BANK1: variants seen among roughly 807,000 people sequenced by gnomAD.
BANK1 encodes the protein B-cell scaffold protein with ankyrin repeats.
In BANK1, 95 loss-of-function variants were observed where a neutral mutation model predicts 94.5. The ratio of observed to expected loss-of-function variants is 1.00; its 90% confidence interval spans 0.85 to 1.19. The LOEUF (loss-of-function observed/expected upper bound fraction) is 1.19. BANK1 is among the 50% of genes most tolerant of loss of function. BANK1 has a pLI of 0.00. For missense variants in BANK1, 987 were observed against 932.2 expected (o/e 1.06, Z -0.77); for synonymous variants, 334 against 308.4 (o/e 1.08, Z -0.87).
intron 2 of BANK1, among the ~76,000 whole-genome samples, chr4:101,837,231 A>G (rs1378609760): frequency 6.6e-6 from 1 of 152,220 alleles, no homozygotes; most frequent in Non-Finnish European, 1.5e-5. Context: ...AATTTAGTAT[A>G]TTTAGGACTA....
intron 1 of BANK1, among the ~76,000 whole-genome samples, chr4:101,817,182 T>A (rs1041723735): frequency 1.3e-5 from 2 of 152,076 alleles, no homozygotes; most frequent in African/African-American, 2.4e-5. Context: ...ATAATTTATA[T>A]ACCCAAAGGA....
At chr4:101,799,749 C>T (rs11938185) in intron 1 of BANK1, among the ~76,000 whole-genome samples, 40,912 of 151,894 alleles carry the variant, frequency 0.27, 5,837 homozygotes, top group Non-Finnish European at 0.32. Context: ...TGGTGGGTGC[C>T]TGTAGTCCCA....
chr4:102,011,832 T>G (rs2148942361), intron 7 of BANK1, among the ~76,000 whole-genome samples: 1 of 152,292 alleles, frequency 6.6e-6, no homozygotes, highest in South Asian at 2.1e-4. Context: ...GTTCATGAAA[T>G]GTATTTCTTG....
chr4:101,951,429 C>A (rs894714034), intron 7 of BANK1, among the ~76,000 whole-genome samples: 14 of 151,982 alleles, frequency 9.2e-5, no homozygotes, highest in Non-Finnish European at 1.8e-4. Flanking sequence ...AGCCCAAACA[C>A]CAGTTTACAG....
intron 7 of BANK1, among the ~76,000 whole-genome samples, chr4:101,938,373 A>T (rs868299575): frequency 3.7e-4 from 56 of 151,636 alleles, no homozygotes; most frequent in African/African-American, 1.3e-3. Context: ...AATGAATAAG[A>T]TCTAGTATTT....
chr4:102,069,772 T>G (rs914112076), intron 13 of BANK1, among the ~76,000 whole-genome samples: 7 of 152,230 alleles, frequency 4.6e-5, no homozygotes, highest in African/African-American at 1.7e-4. Context: ...TATGGAATAC[T>G]ATTTAGCAAT....
At chr4:102,008,698 T>A (rs921775797) in intron 7 of BANK1, among the ~76,000 whole-genome samples, 3 of 152,230 alleles carry the variant, frequency 2.0e-5, no homozygotes, top group Non-Finnish European at 4.4e-5. Context: ...TATATTTTCT[T>A]ACTTGTAACA....
At chr4:101,991,908 T>C (rs1374915022) in intron 7 of BANK1, among the ~76,000 whole-genome samples, 1 of 152,132 alleles carries the variant, frequency 6.6e-6, no homozygotes, top group Non-Finnish European at 1.5e-5. Flanking sequence ...AGAGAGAAGG[T>C]TTCCATGAAA....
At chr4:102,072,196 C>G in intron 14 of BANK1, 149 bp from the exon 15 acceptor site, 1 of 665,246 alleles carries the variant, frequency 1.5e-6, no homozygotes, top group Non-Finnish European at 2.6e-6. Flanking sequence ...CCAAGGGTGC[C>G]TTTTCGGTAT....
intron 1 of BANK1, among the ~76,000 whole-genome samples, chr4:101,823,365 C>A (rs1396566723): frequency 6.6e-6 from 1 of 151,928 alleles, no homozygotes; most frequent in African/African-American, 2.4e-5. Context: ...ATATACTTAC[C>A]TTTGTATACC....
chr4:102,074,778 A>G lies in BANK1; in HGVS notation c.*779A>G, dbSNP rs1226234738. The G allele has an allele frequency of 2.0e-5, 3 of 152,234 alleles. No homozygotes were observed. The highest frequency in any genetic ancestry group is 1.9e-4 in the East Asian group (1 of 5,190). The allele number at this position is 152,234 out of a possible 1,614,324, so 9.4% of individuals were successfully genotyped here. A position where few individuals can be genotyped will look rare whatever the true frequency, so the allele number is the denominator to read the frequency against. ...AAAGTAAATTTATAAGAATTAGCCAATAAAATTGCTTCTCGGCCTTTTGGC... is the reference window on the plus strand; with the variant it reads ...AAAGTAAATTTATAAGAATTAGCCAGTAAAATTGCTTCTCGGCCTTTTGGC... On this transcript the variant is annotated 3_prime_UTR_variant, in exon 17 of 17. Transcript: ENST00000322953.
At chr4:101,824,078 T>C (rs1014205982) in intron 1 of BANK1, among the ~76,000 whole-genome samples, 2 of 152,218 alleles carry the variant, frequency 1.3e-5, no homozygotes, top group African/African-American at 4.8e-5. Context: ...ACTCTCTGGT[T>C]ACTGTGTAGA....
intron 7 of BANK1, among the ~76,000 whole-genome samples, chr4:101,961,035 A>G (rs2544569): frequency 0.97 from 147,456 of 152,270 alleles, 71,470 homozygotes; most frequent in Non-Finnish European, 0.98. Context: ...GAAAATATGT[A>G]AGGGGAGGAA....
At chr4:102,070,059 G>A (rs573143860) in intron 13 of BANK1, among the ~76,000 whole-genome samples, 9 of 152,168 alleles carry the variant, frequency 5.9e-5, no homozygotes, top group African/African-American at 2.2e-4. Flanking sequence ...TGTCTCCTCA[G>A]AAGAAAGAAT....
intron 10 of BANK1, chr4:102,036,598 TC>T (rs1203711202): frequency 6.6e-6 from 1 of 152,236 alleles, no homozygotes; most frequent in Non-Finnish European, 1.5e-5. Flanking sequence ...AGCCTCATGT[TC>T]CTGTTTTTCT....
chr4:101,975,929 G>T (rs1000997499), intron 7 of BANK1, among the ~76,000 whole-genome samples: 6 of 152,046 alleles, frequency 3.9e-5, no homozygotes, highest in African/African-American at 1.4e-4. Flanking sequence ...GCGAATTTCC[G>T]CATTCAGATA....
At chr4:101,998,002 C>A (rs986013951) in intron 7 of BANK1, among the ~76,000 whole-genome samples, 1 of 151,982 alleles carries the variant, frequency 6.6e-6, no homozygotes. Flanking sequence ...CTGTTAATTG[C>A]GATGTAAGAG....
chr4:102,066,560 A>C (rs1728601440), intron 13 of BANK1, among the ~76,000 whole-genome samples: 1 of 152,168 alleles, frequency 6.6e-6, no homozygotes, highest in African/African-American at 2.4e-5. Context: ...ACCAGCCAAT[A>C]ACATCTTTAA....
chr4:101,862,708 G>C (rs761443024), intron 4 of BANK1, 44 bp downstream of exon 4: 24 of 1,497,932 alleles, frequency 1.6e-5, no homozygotes, highest in South Asian at 4.1e-5. Context: ...ATTATCCTGA[G>C]TTCCTTCCAA....
Sources: gnomAD v4.1 joint callset for allele counts (sites outside exome capture counted in the v4.1 genomes callset) on GRCh38, gnomAD v4.1.1 for gene constraint, MANE v1.5 for transcripts, NCBI Gene and HGNC (gene_info 2026-07-23, HGNC 2026-07-21) for gene names.